Variants in OLFM3 observed in about 807,000 individuals in gnomAD.
The protein encoded by OLFM3 is olfactomedin 3.
Under a neutral mutation model 48.6 loss-of-function variants are expected in OLFM3, and 20 were observed. The observed-to-expected ratio is 0.41, with a 90% CI of 0.29 to 0.60. The LOEUF (loss-of-function observed/expected upper bound fraction) is 0.60, where lower values mean the gene tolerates loss of function less well. OLFM3 is among the 20% of genes least tolerant of loss of function. The pLI is 0.28. For synonymous variants in OLFM3, 222 were observed against 198.1 expected (o/e 1.12, Z -1.01); for missense variants, 437 against 544.3 (o/e 0.80, Z 1.96).
intron 1 of OLFM3, among the ~76,000 whole-genome samples, chr1:101,932,583 C>T (rs998241941): frequency 1.1e-4 from 17 of 152,116 alleles, no homozygotes; most frequent in African/African-American, 4.1e-4. Context: ...CCACCTTATA[C>T]CACAGTGAAA....
At chr1:101,889,530 C>T (rs558118203) in intron 1 of OLFM3, among the ~76,000 whole-genome samples, 1 of 152,004 alleles carries the variant, frequency 6.6e-6, no homozygotes, top group East Asian at 1.9e-4. Context: ...GAGGGATAGC[C>T]TTAGGAGATG....
chr1:101,896,564 G>T (rs542160864), intron 1 of OLFM3, among the ~76,000 whole-genome samples: 2 of 141,490 alleles, frequency 1.4e-5, no homozygotes, highest in East Asian at 4.1e-4. Flanking sequence ...GCGCGATCTC[G>T]GCTCACTGCA....
intron 1 of OLFM3, among the ~76,000 whole-genome samples, chr1:101,908,675 T>C (rs1231938647): frequency 6.6e-6 from 1 of 152,162 alleles, no homozygotes; most frequent in Non-Finnish European, 1.5e-5. Context: ...GTGAAAGATC[T>C]TGAAATGAAA....
chr1:101,834,863 T>C (rs1347254252), intron 2 of OLFM3, among the ~76,000 whole-genome samples: 2 of 152,244 alleles, frequency 1.3e-5, no homozygotes, highest in Non-Finnish European at 2.9e-5. Flanking sequence ...CCAACCAATA[T>C]AATGCTTTCA....
intron 1 of OLFM3, among the ~76,000 whole-genome samples, chr1:101,904,208 T>C (rs1195952271): frequency 6.6e-6 from 1 of 151,960 alleles, no homozygotes; most frequent in Non-Finnish European, 1.5e-5. Context: ...TTTAAGATCA[T>C]CAAAAAATAA....
At chr1:101,889,548 T>C (rs1480401133) in intron 1 of OLFM3, among the ~76,000 whole-genome samples, 2 of 152,038 alleles carry the variant, frequency 1.3e-5, no homozygotes, top group Admixed American at 6.6e-5. Context: ...ATGTATCTAA[T>C]GTAAATGATG....
intron 1 of OLFM3, among the ~76,000 whole-genome samples, chr1:101,914,727 C>T (rs11164332): frequency 1.3e-5 from 2 of 151,862 alleles, no homozygotes; most frequent in African/African-American, 2.4e-5. Flanking sequence ...AGCCTGCATG[C>T]GGCTCTTTCC....
At chr1:101,979,714 G>A (rs1343040741) in intron 1 of OLFM3, among the ~76,000 whole-genome samples, 1 of 152,172 alleles carries the variant, frequency 6.6e-6, no homozygotes, top group African/African-American at 2.4e-5. Context: ...GGAAATGTGG[G>A]GTTGCAGCCC....
At chr1:101,942,560 T>C (rs959903607) in intron 1 of OLFM3, among the ~76,000 whole-genome samples, 5 of 152,226 alleles carry the variant, frequency 3.3e-5, no homozygotes, top group African/African-American at 1.2e-4. Flanking sequence ...GTAGCAGTAA[T>C]TCACATCATT....
At chr1:101,920,985 T>G (rs917115305) in intron 1 of OLFM3, among the ~76,000 whole-genome samples, 3 of 152,188 alleles carry the variant, frequency 2.0e-5, no homozygotes, top group African/African-American at 7.2e-5. Context: ...TCTATTAGGT[T>G]GTTTGCATCA....
chr1:101,946,461 G>T (rs891115907), intron 1 of OLFM3, among the ~76,000 whole-genome samples: 2 of 152,074 alleles, frequency 1.3e-5, no homozygotes, highest in African/African-American at 2.4e-5. Flanking sequence ...AAGCAAGTAA[G>T]TACCTAAATT....
At chr1:101,966,261 C>T (rs577377793) in intron 1 of OLFM3, among the ~76,000 whole-genome samples, 1 of 151,874 alleles carries the variant, frequency 6.6e-6, no homozygotes, top group Non-Finnish European at 1.5e-5. Context: ...GTCTCCCAGG[C>T]TCAAGGTATC....
intron 1 of OLFM3, among the ~76,000 whole-genome samples, chr1:101,846,397 A>G (rs551233057): frequency 6.6e-6 from 1 of 152,298 alleles, no homozygotes; most frequent in South Asian, 2.1e-4. Context: ...ATTCATTGCA[A>G]ATAGTCACAG....
chr1:101,836,562 T>C (rs1187744033), intron 2 of OLFM3, among the ~76,000 whole-genome samples: 1 of 151,276 alleles, frequency 6.6e-6, no homozygotes, highest in Non-Finnish European at 1.5e-5. Context: ...ATCCTGAGAG[T>C]GGAGCTGAAT....
intron 3 of OLFM3, 108 bp downstream of exon 3, chr1:101,830,564 C>T (rs1655095715): frequency 2.6e-6 from 3 of 1,170,814 alleles, no homozygotes; most frequent in Non-Finnish European, 3.8e-6. Context: ...AGTCTTTTAC[C>T]TTGCACATAT....
chr1:101,806,032 G>A, intron 5 of OLFM3, 44 bp downstream of exon 5: 1 of 1,419,894 alleles, frequency 7.0e-7, no homozygotes, highest in Non-Finnish European at 1.0e-6. Context: ...AAAAGTGTAA[G>A]CAGAACTTAA....
chr1:101,830,922 G>A (rs1655118649), intron 2 of OLFM3, 95 bp from the exon 3 acceptor site: 1 of 1,079,268 alleles, frequency 9.3e-7, no homozygotes, highest in African/African-American at 1.6e-5. Flanking sequence ...ATAAAAACTA[G>A]AAGTGCCAAA....
At chr1:101,859,655 G>A (rs1302593418) in intron 1 of OLFM3, among the ~76,000 whole-genome samples, 2 of 152,086 alleles carry the variant, frequency 1.3e-5, no homozygotes, top group South Asian at 2.1e-4. Flanking sequence ...TTTCCTTTGA[G>A]TGTCATGTTG....
At chr1:101,887,487 C>T (rs1301481845) in intron 1 of OLFM3, among the ~76,000 whole-genome samples, 1 of 151,758 alleles carries the variant, frequency 6.6e-6, no homozygotes, top group African/African-American at 2.4e-5. Context: ...AGAAATTCTC[C>T]TTAAGAGAAT....
Sources: allele counts gnomAD v4.1 joint callset (sites outside exome capture counted in the v4.1 genomes callset), GRCh38; gene constraint gnomAD v4.1.1; transcripts MANE v1.5; gene names NCBI Gene and HGNC (gene_info 2026-07-23, HGNC 2026-07-21).